The following SOCS5 variants were observed in gnomAD, a reference collection of about 807,000 sequenced individuals.
SOCS5 encodes the protein suppressor of cytokine signaling 5.
A neutral mutation model predicts 42.8 loss-of-function variants in SOCS5; 32 were observed. That is an observed-to-expected ratio of 0.75 (90% CI 0.56 to 1.01). SOCS5 has a LOEUF of 1.01. SOCS5 is among the 50% of genes least tolerant of loss of function. The probability of loss-of-function intolerance (pLI) is 0.00; values close to 1 mark genes in which losing one functional copy is unlikely to be tolerated. For synonymous variants in SOCS5, 283 were observed against 229.6 expected, an observed-to-expected ratio of 1.23 and a Z score of -2.10; for missense variants, 627 against 653.0, an observed-to-expected ratio of 0.96 and a Z score of 0.43.
intron 1 of SOCS5, among the ~76,000 whole-genome samples, chr2:46,754,060 C>G (rs772729870): frequency 3.9e-5 from 6 of 152,048 alleles, no homozygotes; most frequent in Non-Finnish European, 8.8e-5. Context: ...GAATGCCTAA[C>G]CCCCTAGGAA....
intron 1 of SOCS5, among the ~76,000 whole-genome samples, chr2:46,727,914 G>A (rs550720830): frequency 6.6e-6 from 1 of 151,938 alleles, no homozygotes; most frequent in East Asian, 2.0e-4. Flanking sequence ...CCACATCCAG[G>A]GCTAAGTGGT....
chr2:46,757,052 C>A (rs1047999633), intron 1 of SOCS5, among the ~76,000 whole-genome samples: 2 of 152,196 alleles, frequency 1.3e-5, no homozygotes, highest in Non-Finnish European at 2.9e-5. Context: ...AGAATTAAAT[C>A]ATCTGAAAGT....
intron 1 of SOCS5, among the ~76,000 whole-genome samples, chr2:46,755,172 T>G (rs897055964): frequency 3.3e-5 from 5 of 152,154 alleles, no homozygotes; most frequent in Non-Finnish European, 5.9e-5. Context: ...AATATAACTG[T>G]TATGTTATAA....
rs914375898 is a variant in SOCS5 at position 46,735,780 on chromosome 2, T to G, written c.-12-22739T>G. On this transcript the variant is annotated intron_variant, in intron 1 of 1. Coordinates refer to ENST00000394861, the MANE Select transcript of SOCS5 (RefSeq NM_144949.3). ...ATGTGTACAAAGATAATTGCTTATG[T>G]AGACATTGATGTCTTTTCTTATACT... Among the ~76,000 whole-genome samples, 61 of 152,098 alleles carry G rather than the reference T, an allele frequency of 4.0e-4. 1 individual carries two copies. Among genetic ancestry groups the G allele is most frequent in the African/African-American group, 1.4e-3 (60 of 41,394 alleles).
chr2:46,744,080 C>G (rs149304856), intron 1 of SOCS5, among the ~76,000 whole-genome samples: 1 of 151,980 alleles, frequency 6.6e-6, no homozygotes, highest in African/African-American at 2.4e-5. Flanking sequence ...ACCTCCCCCT[C>G]CTGGGTTCAA....
At chr2:46,756,124 T>C (rs895793207) in intron 1 of SOCS5, among the ~76,000 whole-genome samples, 2 of 152,226 alleles carry the variant, frequency 1.3e-5, no homozygotes, top group African/African-American at 2.4e-5. Context: ...ATACAACTTA[T>C]AAAGAACTAT....
intron 1 of SOCS5, among the ~76,000 whole-genome samples, chr2:46,703,790 G>C (rs1253124934): frequency 6.6e-6 from 1 of 152,168 alleles, no homozygotes; most frequent in African/African-American, 2.4e-5. Context: ...TGAATTATTT[G>C]CATTGTCCAT....
At chr2:46,701,966 C>T (rs1672354796) in intron 1 of SOCS5, among the ~76,000 whole-genome samples, 1 of 151,344 alleles carries the variant, frequency 6.6e-6, no homozygotes, top group African/African-American at 2.4e-5. Context: ...ATTACATGAT[C>T]ATTATGAATA....
intron 1 of SOCS5, among the ~76,000 whole-genome samples, chr2:46,729,385 C>T (rs1353557447): frequency 6.6e-6 from 1 of 152,092 alleles, no homozygotes; most frequent in Non-Finnish European, 1.5e-5. Flanking sequence ...TGTCATTAAG[C>T]GATTTCATTG....
In SOCS5 at chr2:46,759,774, TCTC is replaced by T; in HGVS notation, c.1245_1247del (p.Ser416del). On this transcript the variant is annotated inframe_deletion, in exon 2 of 2. Coordinates refer to ENST00000394861, the MANE Select transcript of SOCS5 (RefSeq NM_144949.3). Reference sequence around the variant, plus strand: ...GACTCTGCGCAAGAGGACTACCTCTTCTCTGTGAGCTTCCGCCGCTACAACAGA... The same window carrying T: ...GACTCTGCGCAAGAGGACTACCTCTTTGTGAGCTTCCGCCGCTACAACAGA... 6.2e-7 allele frequency: 1 copy of T among 1,614,164 alleles called. No individual in the cohort carries two copies. The highest frequency in any genetic ancestry group is 8.5e-7 in the Non-Finnish European group (1 of 1,180,016).
intron 1 of SOCS5, among the ~76,000 whole-genome samples, chr2:46,732,523 A>G (rs930156886): frequency 3.3e-5 from 5 of 152,382 alleles, no homozygotes; most frequent in South Asian, 2.1e-4. Flanking sequence ...AATGAAACTT[A>G]GTGGTTAGGC....
intron 1 of SOCS5, among the ~76,000 whole-genome samples, chr2:46,758,227 G>A (rs1355119122): frequency 6.6e-6 from 1 of 152,218 alleles, no homozygotes; most frequent in Non-Finnish European, 1.5e-5. Flanking sequence ...ACGGGAAAAA[G>A]AAACCAGAGT....
rs533519294 is a variant in SOCS5 at position 46,733,938 on chromosome 2, C to T, written c.-12-24581C>T. On this transcript the variant is annotated intron_variant, in intron 1 of 1. Coordinates refer to ENST00000394861, the MANE Select transcript of SOCS5 (RefSeq NM_144949.3). Reference sequence around the variant, plus strand: ...TCTAGTTAATAAACTGTCCCACACTCCATTTAGGATGTAATCAGTATGCAG... The same window carrying T: ...TCTAGTTAATAAACTGTCCCACACTTCATTTAGGATGTAATCAGTATGCAG... Among the ~76,000 whole-genome samples, 31 of 152,248 alleles carry T rather than the reference C, an allele frequency of 2.0e-4. 1 individual carries two copies. Among genetic ancestry groups the T allele is most frequent in the Admixed American group, 7.2e-4 (11 of 15,288 alleles).
chr2:46,760,449 C>G lies in SOCS5; in HGVS notation c.*308C>G, dbSNP rs1036002367. 1 of 257,802 alleles carries G rather than the reference C, an allele frequency of 3.9e-6. No homozygotes were observed. Among genetic ancestry groups the G allele is most frequent in the Non-Finnish European group, 7.9e-6 (1 of 126,572 alleles). 16.0% of individuals were successfully genotyped at this position (257,802 alleles called of 1,614,324 possible). A position where few individuals can be genotyped will look rare whatever the true frequency, so the allele number is the denominator to read the frequency against. The stretch of plus-strand genomic sequence containing the variant: ...TCTGGGGCATTTGTTATGAAGAATT[C>G]TATTTCTTACTGAAGAACAAATTAT... On this transcript the variant is annotated 3_prime_UTR_variant, in exon 2 of 2. Coordinates refer to ENST00000394861, the MANE Select transcript of SOCS5 (RefSeq NM_144949.3).
At chr2:46,731,517 C>G (rs918369253) in intron 1 of SOCS5, among the ~76,000 whole-genome samples, 10 of 152,192 alleles carry the variant, frequency 6.6e-5, no homozygotes, top group Non-Finnish European at 1.3e-4. Context: ...AAGGAGTTTA[C>G]TGTCTATTGA....
chr2:46,739,518 A>C (rs974012280), intron 1 of SOCS5, among the ~76,000 whole-genome samples: 1 of 152,198 alleles, frequency 6.6e-6, no homozygotes, highest in South Asian at 2.1e-4. Context: ...GAATAAATAC[A>C]TTATAAAGAT....
chr2:46,734,371 T>C (rs921769004), intron 1 of SOCS5, among the ~76,000 whole-genome samples: 3 of 152,194 alleles, frequency 2.0e-5, no homozygotes, highest in African/African-American at 4.8e-5. Flanking sequence ...ACTGTTCAGC[T>C]ATCACTTACT....
intron 1 of SOCS5, among the ~76,000 whole-genome samples, chr2:46,702,539 G>C (rs952556868): frequency 6.6e-6 from 1 of 152,146 alleles, no homozygotes; most frequent in African/African-American, 2.4e-5. Flanking sequence ...GAGACCTGCT[G>C]GGTACACTTA....
intron 1 of SOCS5, among the ~76,000 whole-genome samples, chr2:46,707,772 C>G (rs749015841): frequency 6.6e-6 from 1 of 152,128 alleles, no homozygotes; most frequent in Non-Finnish European, 1.5e-5. Context: ...ACAAATGCTC[C>G]TCGACTTACA....
Sources: gnomAD v4.1 joint callset for allele counts (sites outside exome capture counted in the v4.1 genomes callset) on GRCh38, gnomAD v4.1.1 for gene constraint, MANE v1.5 for transcripts, NCBI Gene and HGNC (gene_info 2026-07-23, HGNC 2026-07-21) for gene names.